EYS: variants seen among roughly 807,000 people sequenced by gnomAD.
EYS encodes EGF-like photoreceptor maintenance factor.
A neutral mutation model predicts 282.1 loss-of-function variants in EYS; 250 were observed. The ratio of observed to expected loss-of-function variants is 0.89; its 90% CI spans 0.80 to 0.98. The LOEUF (loss-of-function observed/expected upper bound fraction) is 0.98, where lower values mean the gene tolerates loss of function less well. Ranked by LOEUF, EYS falls within the 50% of genes least tolerant of loss-of-function variation. The probability of loss-of-function intolerance (pLI) is 0.00; values close to 1 mark genes in which losing one functional copy is unlikely to be tolerated. For synonymous variants in EYS, 1,355 were observed against 1,282.9 expected (o/e 1.06, Z -1.20); for missense variants, 4,016 against 3,709.0 (o/e 1.08, Z -2.15).
At chr6:65,319,456 A>G (rs1462864588) in intron 11 of EYS, among the ~76,000 whole-genome samples, 1 of 151,920 alleles carries the variant, frequency 6.6e-6, no homozygotes, top group Non-Finnish European at 1.5e-5. Context: ...TGTTCATTGA[A>G]TCTGAAAGTC....
intron 11 of EYS, among the ~76,000 whole-genome samples, chr6:65,334,511 T>G (rs1277069617): frequency 6.6e-6 from 1 of 151,914 alleles, no homozygotes; most frequent in Admixed American, 6.6e-5. Flanking sequence ...CTCAAGCTAT[T>G]CTCTTGCCCT....
chr6:63,903,007 G>C lies in EYS; in HGVS notation c.7056-38649C>G, dbSNP rs148001320. Among the ~76,000 whole-genome samples the C allele has an allele frequency of 2.0e-5, 3 of 152,190 alleles. No homozygotes were observed. The East Asian group carries it at 5.8e-4, about 29-fold the overall frequency. ...ATGTCACCTAGGAGAAGGAAAGAGT[G>C]AATAGCTTTGGGAAATTTAAGATTT... is the stretch of plus-strand genomic sequence containing the variant. On this transcript the variant is annotated intron_variant, in intron 35 of 42. Coordinates refer to ENST00000503581, the MANE Select transcript of EYS (RefSeq NM_001142800.2).
chr6:64,077,265 T>C lies in EYS; in HGVS notation c.6571+4591A>G, dbSNP rs1323362568. 2.6e-5 allele frequency among the ~76,000 whole-genome samples: 4 copies of C among 152,064 alleles called. No homozygotes were observed. The East Asian group carries it at 7.7e-4, about 29-fold the overall frequency. On this transcript the variant is annotated intron_variant, in intron 32 of 42. Coordinates refer to ENST00000503581, the MANE Select transcript of EYS (RefSeq NM_001142800.2). Reference sequence around the variant, plus strand: ...TTTTTCCTTAGAAGAGAAAAGATGCTATCTAATATGATGCCAGGGAATGCT... The same window carrying C: ...TTTTTCCTTAGAAGAGAAAAGATGCCATCTAATATGATGCCAGGGAATGCT...
chr6:64,733,859 A>C (rs1467882757), intron 22 of EYS: 1 of 158,426 alleles, frequency 6.3e-6, no homozygotes, highest in African/African-American at 2.4e-5. Context: ...GTGGCTCCTG[A>C]CTTAGTCTCA....
chr6:65,317,821 C>CTTTCTTTCTTTCTTTCTTTCTTT (rs1769340793), intron 11 of EYS, among the ~76,000 whole-genome samples: 1 of 51,534 alleles, frequency 1.9e-5, no homozygotes, highest in African/African-American at 9.1e-5. Context: ...TTCCTTCCTT[C>CTTTCTTTCTTTCTTTCTTTCTTT]CTTCCTTTCT....
At chr6:65,156,820 C>G (rs562665142) in intron 12 of EYS, among the ~76,000 whole-genome samples, 1 of 151,206 alleles carries the variant, frequency 6.6e-6, no homozygotes, top group South Asian at 2.1e-4. Flanking sequence ...CCTGGCCTCC[C>G]ATTCTTTGCT....
chr6:65,160,133 G>GT (rs1764819295), intron 12 of EYS, among the ~76,000 whole-genome samples: 1 of 150,484 alleles, frequency 6.6e-6, no homozygotes, highest in Non-Finnish European at 1.5e-5. Flanking sequence ...GTTTTCTTTT[G>GT]TTTTTTAACC....
intron 26 of EYS, among the ~76,000 whole-genome samples, chr6:64,448,492 A>G (rs982075990): frequency 6.6e-6 from 1 of 152,214 alleles, no homozygotes; most frequent in Non-Finnish European, 1.5e-5. Flanking sequence ...CCTGTCCGAT[A>G]GCTTTGAAGA....
At chr6:64,113,408 A>G (rs937524198) in intron 31 of EYS, among the ~76,000 whole-genome samples, 1 of 152,206 alleles carries the variant, frequency 6.6e-6, no homozygotes, top group Admixed American at 6.5e-5. Context: ...TAAAATGAGA[A>G]GCACATTACC....
chr6:65,395,592 T>C (rs186145275), intron 7 of EYS, among the ~76,000 whole-genome samples: 1 of 152,318 alleles, frequency 6.6e-6, no homozygotes, highest in African/African-American at 2.4e-5. Context: ...GCCTCATTTT[T>C]AGCTATAGTC....
chr6:63,861,154 TC>T (rs1772521355), intron 36 of EYS, among the ~76,000 whole-genome samples: 1 of 152,174 alleles, frequency 6.6e-6, no homozygotes, highest in East Asian at 1.9e-4. Context: ...CTTGTTTACC[TC>T]CCAATATAAT....
At chr6:63,902,252 C>CA (rs1313152211) in intron 35 of EYS, among the ~76,000 whole-genome samples, 2 of 151,430 alleles carry the variant, frequency 1.3e-5, no homozygotes, top group Admixed American at 1.3e-4. Context: ...AAAACCAAAC[C>CA]AAAAAAAATT....
chr6:64,636,528 G>A (rs1767986747), intron 22 of EYS, among the ~76,000 whole-genome samples: 1 of 152,134 alleles, frequency 6.6e-6, no homozygotes, highest in Admixed American at 6.6e-5. Context: ...ACATAGGCAT[G>A]GGCAAGGACT....
chr6:64,946,685 C>G (rs1043145463), intron 14 of EYS, among the ~76,000 whole-genome samples: 1 of 151,742 alleles, frequency 6.6e-6, no homozygotes, highest in African/African-American at 2.4e-5. Context: ...AATACAGTAG[C>G]CACATGTGGC....
intron 30 of EYS, among the ~76,000 whole-genome samples, chr6:64,281,092 G>A (rs1324370503): frequency 6.6e-6 from 1 of 152,054 alleles, no homozygotes; most frequent in Non-Finnish European, 1.5e-5. Context: ...AAAGCATTCT[G>A]CCCTAATATT....
chr6:64,153,312 C>T (rs752862631), intron 31 of EYS, among the ~76,000 whole-genome samples: 6 of 151,996 alleles, frequency 3.9e-5, no homozygotes, highest in Admixed American at 2.0e-4. Context: ...TTGTAGATCA[C>T]AATGAACAAT....
intron 19 of EYS, among the ~76,000 whole-genome samples, chr6:64,846,611 AT>A (rs1432365860): frequency 6.6e-6 from 1 of 152,116 alleles, no homozygotes; most frequent in Non-Finnish European, 1.5e-5. Flanking sequence ...ATACAAAGCC[AT>A]TTCTTAGCTT....
chr6:64,311,618 C>T (rs1043326630), intron 29 of EYS, among the ~76,000 whole-genome samples: 2 of 152,162 alleles, frequency 1.3e-5, no homozygotes, highest in African/African-American at 4.8e-5. Flanking sequence ...TGGTGTGCAG[C>T]TCCCATCAAG....
chr6:64,200,513 T>C (rs1364352522), intron 31 of EYS, among the ~76,000 whole-genome samples: 1 of 152,138 alleles, frequency 6.6e-6, no homozygotes, highest in African/African-American at 2.4e-5. Context: ...TACTAGCCTA[T>C]GGTAAGTAAA....
Sources: gnomAD v4.1 joint callset for allele counts (sites outside exome capture counted in the v4.1 genomes callset) on GRCh38, gnomAD v4.1.1 for gene constraint, MANE v1.5 for transcripts, NCBI Gene and HGNC (gene_info 2026-07-23, HGNC 2026-07-21) for gene names.